The following PTPRD variants were observed in gnomAD, a reference collection of about 807,000 sequenced individuals.
PTPRD encodes the protein protein tyrosine phosphatase receptor type D.
A neutral mutation model predicts 214.5 loss-of-function variants in PTPRD; 34 were observed. The ratio of observed to expected loss-of-function variants is 0.16; its 90% CI spans 0.12 to 0.21. The LOEUF (loss-of-function observed/expected upper bound fraction) is 0.21. Ranked by LOEUF, PTPRD falls within the 10% of genes least tolerant of loss-of-function variation. The probability of loss-of-function intolerance (pLI) is 1.00; values close to 1 mark genes in which losing one functional copy is unlikely to be tolerated. For missense variants in PTPRD, 2,545 were observed against 2,398.7 expected (o/e 1.06, Z -1.27); for synonymous variants, 1,128 against 845.7 (o/e 1.33, Z -5.79).
chr9:9,799,194 C>G (rs2099022893), intron 5 of PTPRD, among the ~76,000 whole-genome samples: 1 of 152,040 alleles, frequency 6.6e-6, no homozygotes, highest in African/African-American at 2.4e-5. Context: ...GGTTTGTAGT[C>G]AGGTTGAAGA....
rs2096974507 is a variant in PTPRD, at chr9:8,485,216, A to T, written c.3153+11T>A. ...TATCTGTGATTTCTTACAAATTAGA[A>T]AACAACTTACTTTGAAAGGCATGGC... is the stretch of plus-strand genomic sequence containing the variant. On this transcript the variant is annotated intron_variant, in intron 29 of 45. Transcript: ENST00000381196. 2 of 1,608,964 alleles carry T rather than the reference A, an allele frequency of 1.2e-6. No homozygotes were observed. The highest frequency in any genetic ancestry group is 1.3e-5 in the African/African-American group (1 of 74,802).
intron 2 of PTPRD, among the ~76,000 whole-genome samples, chr9:10,408,787 C>G (rs1352451869): frequency 1.3e-5 from 2 of 151,592 alleles, no homozygotes; most frequent in Non-Finnish European, 2.9e-5. Context: ...GTTGACCTTT[C>G]CAAGTTTCTA....
At chr9:9,780,552 A>T (rs975125354) in intron 5 of PTPRD, among the ~76,000 whole-genome samples, 3 of 152,348 alleles carry the variant, frequency 2.0e-5, no homozygotes, top group African/African-American at 7.2e-5. Flanking sequence ...AAATGTTAGC[A>T]AACACAGAAT....
intron 2 of PTPRD, among the ~76,000 whole-genome samples, chr9:10,584,707 C>T (rs1310662662): frequency 6.6e-6 from 1 of 152,098 alleles, no homozygotes; most frequent in Non-Finnish European, 1.5e-5. Context: ...AAATAAGTCG[C>T]TGAGACAAAA....
intron 33 of PTPRD, among the ~76,000 whole-genome samples, chr9:8,456,580 T>G (rs2096211496): frequency 6.6e-6 from 1 of 152,158 alleles, no homozygotes; most frequent in African/African-American, 2.4e-5. Context: ...CAAAATATTC[T>G]GGACTGCATT....
chr9:9,283,801 A>G (rs1321913451), intron 9 of PTPRD, among the ~76,000 whole-genome samples: 2 of 151,688 alleles, frequency 1.3e-5, no homozygotes, highest in African/African-American at 2.4e-5. Context: ...TGCTAGATGT[A>G]TATTGACCCT....
chr9:9,260,105 A>T (rs2099979444), intron 9 of PTPRD, among the ~76,000 whole-genome samples: 1 of 151,900 alleles, frequency 6.6e-6, no homozygotes, highest in African/African-American at 2.4e-5. Flanking sequence ...ATTGTGAAAT[A>T]TATTTTCTAT....
chr9:9,425,743 A>G (rs1414784022), intron 8 of PTPRD, among the ~76,000 whole-genome samples: 1 of 152,160 alleles, frequency 6.6e-6, no homozygotes, highest in Non-Finnish European at 1.5e-5. Context: ...TTCTGCATAC[A>G]GATTCAATTA....
chr9:10,377,232 A>G (rs567332587), intron 2 of PTPRD, among the ~76,000 whole-genome samples: 1 of 152,052 alleles, frequency 6.6e-6, no homozygotes, highest in Non-Finnish European at 1.5e-5. Flanking sequence ...AAATGACAGG[A>G]TCTCATTCTT....
At chr9:8,594,570 G>C (rs995621454) in intron 14 of PTPRD, among the ~76,000 whole-genome samples, 5 of 152,108 alleles carry the variant, frequency 3.3e-5, no homozygotes, top group African/African-American at 1.2e-4. Flanking sequence ...CTGGTGGGAG[G>C]TGATTGGATC....
chr9:9,655,098 T>G (rs1215168023), intron 7 of PTPRD, among the ~76,000 whole-genome samples: 2 of 152,158 alleles, frequency 1.3e-5, no homozygotes, highest in Non-Finnish European at 2.9e-5. Flanking sequence ...AAACCTATTT[T>G]TTTAATAATT....
At chr9:9,814,630 T>A (rs968321946) in intron 5 of PTPRD, among the ~76,000 whole-genome samples, 3 of 152,024 alleles carry the variant, frequency 2.0e-5, no homozygotes, top group Admixed American at 2.0e-4. Context: ...GTGAAATAAA[T>A]TGAAGAAGAC....
chr9:10,253,428 C>T (rs972449428), intron 3 of PTPRD, among the ~76,000 whole-genome samples: 11 of 152,178 alleles, frequency 7.2e-5, no homozygotes, highest in Non-Finnish European at 1.0e-4. Context: ...AGCTAAATTG[C>T]CCAGAAACTT....
intron 10 of PTPRD, among the ~76,000 whole-genome samples, chr9:9,098,986 G>C (rs1193437656): frequency 6.6e-6 from 1 of 152,022 alleles, no homozygotes; most frequent in Non-Finnish European, 1.5e-5. Flanking sequence ...CAGTGAAAAA[G>C]AAAAAATGTG....
At chr9:9,603,124 G>A (rs900488357) in intron 7 of PTPRD, among the ~76,000 whole-genome samples, 1 of 152,098 alleles carries the variant, frequency 6.6e-6, no homozygotes, top group Non-Finnish European at 1.5e-5. Context: ...AAGGAAATAA[G>A]AATGGGCAAT....
At chr9:9,086,982 G>T (rs1440628077) in intron 10 of PTPRD, among the ~76,000 whole-genome samples, 1 of 152,158 alleles carries the variant, frequency 6.6e-6, no homozygotes, top group African/African-American at 2.4e-5. Context: ...CAGTCATCAT[G>T]GCTGAAGTGA....
At chr9:9,927,088 G>A (rs901488707) in intron 5 of PTPRD, among the ~76,000 whole-genome samples, 19 of 152,118 alleles carry the variant, frequency 1.2e-4, no homozygotes, top group South Asian at 8.3e-4. Context: ...TTTAAGCACC[G>A]CTATAAACAT....
chr9:9,060,740 G>A (rs2099705636), intron 10 of PTPRD, among the ~76,000 whole-genome samples: 1 of 152,022 alleles, frequency 6.6e-6, no homozygotes. Flanking sequence ...ATGAGAAAAG[G>A]CATTCACCGA....
intron 11 of PTPRD, among the ~76,000 whole-genome samples, chr9:8,952,599 AT>A (rs899480149): frequency 1.6e-4 from 24 of 151,906 alleles, no homozygotes; most frequent in African/African-American, 5.8e-4. Context: ...AAAGATGGAG[AT>A]TCTATAATCC....
Sources: gnomAD v4.1 joint callset for allele counts (sites outside exome capture counted in the v4.1 genomes callset) on GRCh38, gnomAD v4.1.1 for gene constraint, MANE v1.5 for transcripts, NCBI Gene and HGNC (gene_info 2026-07-23, HGNC 2026-07-21) for gene names.